Variants in MCF2 observed in about 807,000 individuals in gnomAD.
MCF2 encodes the protein MCF.2 cell line derived transforming sequence, also known as proto-oncogene DBL.
Under a neutral mutation model 82.5 loss-of-function variants are expected in MCF2, and 44 were observed. The ratio of observed to expected loss-of-function variants is 0.53; its 90% CI spans 0.42 to 0.69. MCF2 has a LOEUF of 0.69. Ranked by LOEUF, MCF2 falls within the 30% of genes least tolerant of loss-of-function variation. MCF2 has a pLI of 0.00. For synonymous variants in MCF2, 217 were observed against 224.9 expected, an observed-to-expected ratio of 0.96 and a Z score of 0.32; for missense variants, 623 against 663.1, an observed-to-expected ratio of 0.94 and a Z score of 0.66.
At chrX:139,588,554 C>A in intron 20 of MCF2, 116 bp from the exon 25 acceptor site, 3 of 428,639 alleles carry the variant, frequency 7.0e-6, no homozygotes. Context: ...CCCTATAACA[C>A]CATACTCAAA....
chrX:139,676,727 G>A (rs1934873330), intron 1 of MCF2, among the ~76,000 whole-genome samples: 1 of 112,112 alleles, frequency 8.9e-6, no homozygotes, highest in East Asian at 2.8e-4. Context: ...TTAGTGTATA[G>A]TAAGTGCTCG....
At chrX:139,652,750 C>G (rs1205757859) in intron 1 of MCF2, among the ~76,000 whole-genome samples, 1 of 111,093 alleles carries the variant, frequency 9.0e-6, no homozygotes, top group Non-Finnish European at 1.9e-5. Context: ...TTCACCTGCT[C>G]TCTGACACAA....
intron 1 of MCF2, among the ~76,000 whole-genome samples, chrX:139,657,472 C>G (rs1934231012): frequency 8.9e-6 from 1 of 112,349 alleles, no homozygotes; most frequent in Admixed American, 9.4e-5. Context: ...CATCTCAATA[C>G]AGCATGTGCT....
At chrX:139,673,094 T>C (rs1257867238) in intron 1 of MCF2, among the ~76,000 whole-genome samples, 2 of 112,248 alleles carry the variant, frequency 1.8e-5, no homozygotes, top group East Asian at 5.6e-4. Flanking sequence ...TTTTCTAGTT[T>C]ATTTGCGTAG....
intron 1 of MCF2, among the ~76,000 whole-genome samples, chrX:139,638,777 A>C (rs1056170440): frequency 3.6e-5 from 4 of 112,074 alleles, no homozygotes; most frequent in African/African-American, 1.3e-4. Context: ...AACATCAATC[A>C]ATATCAATAA....
rs773568609 is a variant in MCF2 at position 139,698,910 on chromosome X, G to A, written c.-45+9196C>T. On this transcript the variant is annotated intron_variant, in intron 1 of 27. Coordinates refer to the MCF2 transcript ENST00000414978. ...AGTATACCATCTTCATTTGCATAAT[G>A]TTTGTAAGCACTTTTTCTTCTGTCA... 1.1e-4 allele frequency among the ~76,000 whole-genome samples: 12 copies of A among 111,484 alleles called. No individual in the cohort carries two copies. The East Asian group carries it at 2.5e-3, about 24-fold the overall frequency.
chrX:139,588,255 T>C lies in MCF2; in HGVS notation c.2449+105A>G, dbSNP rs1306900155. On this transcript the variant is annotated intron_variant, in intron 21 of 24. Transcript: ENST00000370576. ...TTAACAAATCTTCTCATTGTAATAG[T>C]ATAAAGTAAATATCAGCCCCATTCT... 6 of 518,679 alleles carry C rather than the reference T, an allele frequency of 1.2e-5. No individual in the cohort carries two copies. In the African/African-American group the frequency reaches 1.2e-4, roughly 10 times the overall value. 42.7% of individuals were successfully genotyped at this position (518,679 alleles called of 1,213,427 possible). A position where few individuals can be genotyped will look rare whatever the true frequency, so the allele number is the denominator to read the frequency against.
intron 1 of MCF2, among the ~76,000 whole-genome samples, chrX:139,679,524 C>T (rs1177854849): frequency 9.0e-6 from 1 of 110,641 alleles, no homozygotes; most frequent in Non-Finnish European, 1.9e-5. Context: ...CCCTGTGCAG[C>T]ACTGGGGATA....
chrX:139,619,696 T>C (rs867446791), exon 7 of MCF2: 1 of 1,154,450 alleles, frequency 8.7e-7, no homozygotes, highest in Non-Finnish European at 1.2e-6. Flanking sequence ...AAATTCAACT[T>C]CAGTCACAAG....
exon 3 of MCF2, chrX:139,631,438 C>T (rs1256075718): frequency 8.3e-7 from 1 of 1,205,895 alleles, no homozygotes. Flanking sequence ...CTGCAAGGTG[C>T]CGCCTAACTC....
intron 1 of MCF2, among the ~76,000 whole-genome samples, chrX:139,635,274 A>G (rs1468560385): frequency 9.0e-6 from 1 of 110,969 alleles, no homozygotes; most frequent in African/African-American, 3.3e-5. Flanking sequence ...AAACAGAGAG[A>G]GACAGAGAAA....
chrX:139,607,884 A>G, intron 11 of MCF2, 105 bp from the exon 16 acceptor site: 1 of 485,539 alleles, frequency 2.1e-6, no homozygotes, highest in Non-Finnish European at 3.5e-6. Flanking sequence ...AACTCTGAAG[A>G]TAAATTGAAA....
At position 139,696,292 on chromosome X, in the gene MCF2, T is replaced by C. The variant is rs1006105261; in HGVS notation, c.-45+11814A>G. ...TCCCTCCCTCCCTCCCTTCCTTCCTTCCTTTCTTTTTCTTTCTTTTCTTTC... is the reference window on the plus strand; with the variant it reads ...TCCCTCCCTCCCTCCCTTCCTTCCTCCCTTTCTTTTTCTTTCTTTTCTTTC... On this transcript the variant is annotated intron_variant, in intron 1 of 27. Transcript: ENST00000414978. Among the ~76,000 whole-genome samples the C allele has an allele frequency of 4.3e-4, 43 of 99,879 alleles. 1 individual carries two copies. The highest frequency in any genetic ancestry group is 4.5e-4 in the Non-Finnish European group (22 of 49,100). 86.7% of individuals were successfully genotyped at this position (99,879 alleles called of 115,157 possible).
intron 24 of MCF2, among the ~76,000 whole-genome samples, chrX:139,584,186 A>G (rs1330609663): frequency 1.2e-5 from 1 of 84,802 alleles, no homozygotes; most frequent in Non-Finnish European, 2.1e-5. Context: ...CCCAGGCTGG[A>G]GTGCAAGGGC....
chrX:139,601,464 A>G (rs3117079), intron 16 of MCF2, among the ~76,000 whole-genome samples: 6 of 111,892 alleles, frequency 5.4e-5, no homozygotes, highest in African/African-American at 1.6e-4. Flanking sequence ...AATTCTGAGT[A>G]TAATTATTTC....
intron 6 of MCF2, among the ~76,000 whole-genome samples, chrX:139,622,350 T>C (rs1932450101): frequency 9.0e-6 from 1 of 111,583 alleles, no homozygotes; most frequent in Non-Finnish European, 1.9e-5. Flanking sequence ...GAACTAGAAA[T>C]ACCATTTGAC....
In MCF2 at chrX:139,642,637, T is replaced by C. The variant is rs749855172; in HGVS notation, c.-119A>G. 2.2e-3 allele frequency: 2,644 copies of C among 1,179,081 alleles called. 3 individuals carry two copies. The highest frequency in any genetic ancestry group is 2.9e-3 in the Non-Finnish European group (2,516 of 880,873). Reference sequence around the variant, plus strand: ...GCCAAAAATCTCTATCAAACAAAGCTGCCGTGGCTGCTTCCATTAGCACAG... The same window carrying C: ...GCCAAAAATCTCTATCAAACAAAGCCGCCGTGGCTGCTTCCATTAGCACAG... On this transcript the variant is annotated 5_prime_UTR_variant, in exon 1 of 25. Transcript: ENST00000370576.
intron 1 of MCF2, among the ~76,000 whole-genome samples, chrX:139,669,199 G>A (rs1022779398): frequency 3.6e-5 from 4 of 111,572 alleles, no homozygotes; most frequent in Non-Finnish European, 7.5e-5. Context: ...AAAAGACAAA[G>A]AATTGAGTTA....
At chrX:139,648,895 C>A (rs1933897384) in intron 2 of MCF2, among the ~76,000 whole-genome samples, 1 of 111,960 alleles carries the variant, frequency 8.9e-6, no homozygotes, top group African/African-American at 3.2e-5. Context: ...CTTCAAAATA[C>A]ACAAAGCAAA....
Sources: allele counts gnomAD v4.1 joint callset (sites outside exome capture counted in the v4.1 genomes callset), GRCh38; gene constraint gnomAD v4.1.1; transcripts MANE v1.5; gene names NCBI Gene and HGNC (gene_info 2026-07-23, HGNC 2026-07-21).